Variants in SORCS1 observed in about 807,000 individuals in gnomAD.
The protein encoded by SORCS1 is VPS10 domain-containing receptor SorCS1.
In SORCS1, 60 loss-of-function variants were observed where a neutral mutation model predicts 146.1. The observed-to-expected ratio is 0.41, with a 90% CI of 0.33 to 0.51. The LOEUF (loss-of-function observed/expected upper bound fraction) is 0.51. Ranked by LOEUF, SORCS1 falls within the 20% of genes least tolerant of loss-of-function variation. The pLI is 0.21. For synonymous variants in SORCS1, 637 were observed against 584.0 expected (o/e 1.09, Z -1.31); for missense variants, 1,352 against 1,487.6 (o/e 0.91, Z 1.50).
intron 2 of SORCS1, among the ~76,000 whole-genome samples, chr10:106,955,116 G>C (rs1277445916): frequency 6.6e-6 from 1 of 152,224 alleles, no homozygotes; most frequent in African/African-American, 2.4e-5. Context: ...CCCCCACCCT[G>C]TTTGCTGCAC....
At chr10:106,667,613 A>C in intron 17 of SORCS1, 76 bp downstream of exon 17, 1 of 952,342 alleles carries the variant, frequency 1.1e-6, no homozygotes, top group Non-Finnish European at 1.7e-6. Flanking sequence ...CTTGATCAGA[A>C]GTAATTCTGT....
chr10:106,990,423 C>A (rs1193538314), intron 1 of SORCS1, among the ~76,000 whole-genome samples: 6 of 152,098 alleles, frequency 3.9e-5, no homozygotes, highest in Admixed American at 3.9e-4. Context: ...GTGTGAGGCA[C>A]CACACCTGGC....
intron 1 of SORCS1, among the ~76,000 whole-genome samples, chr10:107,130,726 G>A (rs138796471): frequency 9.4e-4 from 142 of 151,120 alleles, no homozygotes; most frequent in African/African-American, 3.1e-3. Flanking sequence ...CTCCTTCCTC[G>A]CAGAAAGTTT....
At chr10:106,602,552 A>ACACACACACACAAAC in intron 23 of SORCS1, among the ~76,000 whole-genome samples, 1 of 61,888 alleles carries the variant, frequency 1.6e-5, no homozygotes, top group South Asian at 6.5e-4. Flanking sequence ...CACACACACA[A>ACACACACACACAAAC]ACACACACAC....
intron 1 of SORCS1, among the ~76,000 whole-genome samples, chr10:107,145,917 G>C (rs1453372263): frequency 6.6e-6 from 1 of 152,278 alleles, no homozygotes; most frequent in Non-Finnish European, 1.5e-5. Context: ...TTTTAAGTCA[G>C]TGCCTTATTT....
intron 1 of SORCS1, among the ~76,000 whole-genome samples, chr10:107,007,343 C>T (rs1957496215): frequency 6.6e-6 from 1 of 152,202 alleles, no homozygotes; most frequent in South Asian, 2.1e-4. Context: ...CTGTTAGCTT[C>T]CACTTCTGTC....
At chr10:107,005,785 T>C (rs1957418250) in intron 1 of SORCS1, among the ~76,000 whole-genome samples, 1 of 152,220 alleles carries the variant, frequency 6.6e-6, no homozygotes, top group South Asian at 2.1e-4. Context: ...CATATGATTC[T>C]CACATATTTT....
chr10:107,099,330 G>C (rs1261633098), intron 1 of SORCS1, among the ~76,000 whole-genome samples: 1 of 152,108 alleles, frequency 6.6e-6, no homozygotes, highest in African/African-American at 2.4e-5. Context: ...GAGACCACTA[G>C]AAAATACAAG....
intron 1 of SORCS1, among the ~76,000 whole-genome samples, chr10:107,117,859 T>C (rs1175942938): frequency 2.0e-5 from 3 of 152,136 alleles, no homozygotes; most frequent in Non-Finnish European, 4.4e-5. Flanking sequence ...ATACCTCGAG[T>C]CTCACACATA....
intron 20 of SORCS1, among the ~76,000 whole-genome samples, chr10:106,618,948 A>C (rs1460575788): frequency 6.6e-6 from 1 of 152,172 alleles, no homozygotes; most frequent in African/African-American, 2.4e-5. Flanking sequence ...AGGGTCCTAG[A>C]GGAAAAAATA....
intron 1 of SORCS1, among the ~76,000 whole-genome samples, chr10:107,131,514 G>C (rs1054106771): frequency 2.6e-5 from 4 of 152,160 alleles, no homozygotes; most frequent in Non-Finnish European, 5.9e-5. Context: ...CCTGAGGTGA[G>C]GAATTTGAGA....
At chr10:106,834,155 T>G (rs539432298) in intron 2 of SORCS1, among the ~76,000 whole-genome samples, 1 of 152,272 alleles carries the variant, frequency 6.6e-6, no homozygotes, top group African/African-American at 2.4e-5. Flanking sequence ...ATGCTTCCAG[T>G]TCTAGTCGCA....
At chr10:106,594,454 A>G (rs1845791766) in intron 24 of SORCS1, among the ~76,000 whole-genome samples, 1 of 152,248 alleles carries the variant, frequency 6.6e-6, no homozygotes, top group Non-Finnish European at 1.5e-5. Context: ...TGTGGTGGGA[A>G]CATTCATTAT....
At chr10:106,655,278 T>C (rs1850199590) in intron 17 of SORCS1, among the ~76,000 whole-genome samples, 1 of 152,172 alleles carries the variant, frequency 6.6e-6, no homozygotes, top group South Asian at 2.1e-4. Context: ...TGGTGTATGA[T>C]AGCATCCTGG....
At chr10:107,157,628 A>G (rs1969391981) in intron 1 of SORCS1, among the ~76,000 whole-genome samples, 1 of 152,240 alleles carries the variant, frequency 6.6e-6, no homozygotes, top group Non-Finnish European at 1.5e-5. Flanking sequence ...GTAAAATCTC[A>G]CATAGGATTT....
In SORCS1 at chr10:106,981,909, C is replaced by G. The variant is rs188231341; in HGVS notation, c.559-25329G>C. ...CTTCATGGATCTCCTAAGAGAAGCC[C>G]ACGAAATAGTGCAAGCACAAAACAT... On this transcript the variant is annotated intron_variant, in intron 1 of 25. Transcript: ENST00000263054. Among the ~76,000 whole-genome samples, 166 of 152,258 alleles carry G rather than the reference C, an allele frequency of 1.1e-3. 1 individual carries two copies. The Middle Eastern group carries it at 0.014, about 12-fold the overall frequency.
chr10:106,938,242 G>A (rs1953853413), intron 2 of SORCS1, among the ~76,000 whole-genome samples: 1 of 152,148 alleles, frequency 6.6e-6, no homozygotes, highest in Non-Finnish European at 1.5e-5. Context: ...TAGTGTACAG[G>A]CCTATTTCAG....
intron 2 of SORCS1, among the ~76,000 whole-genome samples, chr10:106,857,267 A>G (rs1949823899): frequency 6.6e-6 from 1 of 152,214 alleles, no homozygotes; most frequent in Non-Finnish European, 1.5e-5. Flanking sequence ...AAGCATACAG[A>G]TATCCTGCCC....
chr10:107,159,061 A>C (rs1429923020), intron 1 of SORCS1, among the ~76,000 whole-genome samples: 1 of 152,170 alleles, frequency 6.6e-6, no homozygotes, highest in Non-Finnish European at 1.5e-5. Context: ...ATGAAGATGT[A>C]ATACAATAAA....
Sources: gnomAD v4.1 joint callset for allele counts (sites outside exome capture counted in the v4.1 genomes callset) on GRCh38, gnomAD v4.1.1 for gene constraint, MANE v1.5 for transcripts, NCBI Gene and HGNC (gene_info 2026-07-23, HGNC 2026-07-21) for gene names.